The following SPEG variants were observed in gnomAD, a reference collection of about 807,000 sequenced individuals.
SPEG encodes striated muscle enriched protein kinase.
A neutral mutation model predicts 300.4 loss-of-function variants in SPEG; 114 were observed. The observed-to-expected ratio is 0.38, with a 90% CI of 0.33 to 0.44. The LOEUF (loss-of-function observed/expected upper bound fraction) is 0.44, where lower values mean the gene tolerates loss of function less well. Ranked by LOEUF, SPEG falls within the 20% of genes least tolerant of loss-of-function variation. SPEG has a pLI of 1.00. For synonymous variants in SPEG, 1,964 were observed against 2,018.9 expected (o/e 0.97, Z 0.73); for missense variants, 4,201 against 4,586.2 (o/e 0.92, Z 2.43).
Position 219,483,082 on chromosome 2 carries a change from A to G in SPEG, c.5635-16A>G, listed in dbSNP as rs1246567592. On this transcript the variant is annotated splice_polypyrimidine_tract_variant and intron_variant, in intron 29 of 40. Transcript: ENST00000312358. ...CCAGGGGTCCCTCAGGTCTGACTCC[A>G]GTACCCTGTCTCCAGCGCTCCCAGA... 14 of 1,599,964 alleles carry G rather than the reference A, an allele frequency of 8.8e-6. No individual in the cohort carries two copies. Among genetic ancestry groups the G allele is most frequent in the Non-Finnish European group, 1.2e-5 (14 of 1,176,388 alleles).
intron 11 of SPEG, 31 bp downstream of exon 11, chr2:219,468,767 C>A (rs771066289): frequency 3.1e-6 from 5 of 1,610,898 alleles, no homozygotes; most frequent in African/African-American, 2.7e-5. Context: ...GTGTTGAGGG[C>A]CCCCCCAAGG....
In SPEG at chr2:219,472,882, C is replaced by T. The variant is rs996209721; in HGVS notation, c.3941-8C>T. On this transcript the variant is annotated splice_region_variant and splice_polypyrimidine_tract_variant and intron_variant, in intron 15 of 40. Transcript: ENST00000312358. ...AACAGCAGCCTCTAGTAGCTCCTCT[C>T]CCGCCAGACCCGGACTCCCTGACGT... is the stretch of plus-strand genomic sequence containing the variant. The T allele has an allele frequency of 6.4e-7, 1 of 1,568,222 alleles. No individual in the cohort carries two copies. The highest frequency in any genetic ancestry group is 1.4e-5 in the African/African-American group (1 of 73,914).
intron 6 of SPEG, among the ~76,000 whole-genome samples, chr2:219,452,230 C>T (rs755737949): frequency 1.8e-4 from 27 of 152,292 alleles, no homozygotes; most frequent in South Asian, 6.2e-4. Flanking sequence ...AGTCCCCCCT[C>T]CCAGTAAAAA....
At chr2:219,437,150 G>A (rs1954740955) in intron 1 of SPEG, 1 of 152,262 alleles carries the variant, frequency 6.6e-6, no homozygotes, top group East Asian at 1.9e-4. Context: ...TAAGAACCCA[G>A]TCCTCCTGGT....
Position 219,485,075 on chromosome 2 carries a change from G to T in SPEG, c.7609+3G>T. On this transcript the variant is annotated splice_donor_region_variant and intron_variant, in intron 30 of 40. Transcript: ENST00000312358. ...CAGCGCCACGTCGGGCTCCTCAGGT[G>T]AGGAGGGGCAGGGGTAGGGCAGCAG... The T allele has an allele frequency of 6.5e-7, 1 of 1,531,934 alleles. No homozygotes were observed. The highest frequency in any genetic ancestry group is 1.2e-5 in the South Asian group (1 of 83,894). The allele number at this position is 1,531,934 out of a possible 1,614,324, so 94.9% of individuals were successfully genotyped here.
rs758077498 is a variant in SPEG at position 219,464,569 on chromosome 2, T to C, written c.2842T>C (p.Tyr948His). The change falls in exon 9 of 41, where the codon TAT (tyrosine) becomes CAT (histidine). Residue 948 changes from tyrosine (Y) to histidine (H), a missense_variant. By Grantham distance (83) the Tyr-to-His change is moderately conservative. Transcript: ENST00000312358. The surrounding 1 kb of genome is among the most constrained non-coding windows in gnomAD (Gnocchi z 4.5). ...GFYTCKAVNE[Y>H]GARQCEARLE... ...CTACACTTGCAAAGCGGTCAATGAG[T>C]ATGGTGCTCGGCAGTGCGAGGCCCG... The C allele has an allele frequency of 1.2e-6, 2 of 1,614,034 alleles. No homozygotes were observed. The highest frequency in any genetic ancestry group is 2.2e-5 in the East Asian group (1 of 44,900).
At position 219,451,087 on chromosome 2, in the gene SPEG, T is replaced by A. The variant is rs756594717; in HGVS notation, c.2114-49T>A. On this transcript the variant is annotated intron_variant, in intron 4 of 40. Transcript: ENST00000312358. This position sits in a 1 kb window ranked among gnomAD's most constrained non-coding sequence, Gnocchi z 6.4. ...ACCAGGACTCTCTCTCCCGCTGTCA[T>A]CCCTGCAGGGATCATGGCCCCTTAC... The A allele has an allele frequency of 2.6e-6, 4 of 1,541,948 alleles. No individual in the cohort carries two copies. Among genetic ancestry groups the A allele is most frequent in the Non-Finnish European group, 2.6e-6 (3 of 1,147,496 alleles).
Position 219,444,255 on chromosome 2 carries a change from A to G in SPEG, c.389-398A>G, listed in dbSNP as rs1006374433. On this transcript the variant is annotated intron_variant, in intron 1 of 40. Coordinates refer to ENST00000312358, the MANE Select transcript of SPEG (RefSeq NM_005876.5). The surrounding 1 kb of genome is among the most constrained non-coding windows in gnomAD (Gnocchi z 7.8). ...CTCCTCTTTGTTCCTGGGGTACTGG[A>G]ACCCAGACTTTAGAGCCTTGGAACC... 6.6e-6 allele frequency among the ~76,000 whole-genome samples: 1 copy of G among 152,144 alleles called. No individual in the cohort carries two copies. Among genetic ancestry groups the G allele is most frequent in the African/African-American group, 2.4e-5 (1 of 41,432 alleles).
intron 22 of SPEG, among the ~76,000 whole-genome samples, chr2:219,478,618 T>C (rs920691505): frequency 2.6e-5 from 4 of 152,158 alleles, no homozygotes; most frequent in African/African-American, 9.7e-5. Context: ...CAAAGGCACA[T>C]TGAGGTAAGG....
In SPEG at chr2:219,472,981, G is replaced by T; in HGVS notation, c.4032G>T (p.Trp1344Cys). 1 of 1,613,846 alleles carries T rather than the reference G, an allele frequency of 6.2e-7. No homozygotes were observed. ...ALVTGLREPG[W>C]AATGLRKGVQ... ...TCACAGGCCTGCGGGAGCCAGGGTG[G>T]GCAGCCACAGGGCTGCGTAAGGGGG... The change falls in exon 16 of 41, where the codon TGG becomes TGT. Residue 1344 changes from tryptophan (W) to cysteine (C), a missense_variant. By Grantham distance (215) the Trp-to-Cys change is radical (BLOSUM62 -2). Coordinates refer to ENST00000312358, the MANE Select transcript of SPEG (RefSeq NM_005876.5).
chr2:219,446,798 T>A (rs1179044683), intron 3 of SPEG, among the ~76,000 whole-genome samples: 1 of 152,206 alleles, frequency 6.6e-6, no homozygotes, highest in Non-Finnish European at 1.5e-5. Context: ...AGTTTCTTCA[T>A]CTGTAAATGG....
chr2:219,439,185 T>C lies in SPEG; in HGVS notation c.388+3820T>C, dbSNP rs1954793442. ...GGTTAGGACAGAGAAGGGGGAAGGC[T>C]GGATGAGTGGAAGCCGTTGCAGGAA... On this transcript the variant is annotated intron_variant, in intron 1 of 40. Transcript: ENST00000312358. The surrounding 1 kb of genome is among the most constrained non-coding windows in gnomAD (Gnocchi z 4.5). 6.6e-6 allele frequency among the ~76,000 whole-genome samples: 1 copy of C among 152,116 alleles called. No individual in the cohort carries two copies. Among genetic ancestry groups the C allele is most frequent in the Non-Finnish European group, 1.5e-5 (1 of 68,014 alleles).
Position 219,459,344 on chromosome 2 carries a change from G to A in SPEG, c.2441-2538G>A, listed in dbSNP as rs1384882722. On this transcript the variant is annotated intron_variant, in intron 6 of 40. Coordinates refer to ENST00000312358, the MANE Select transcript of SPEG (RefSeq NM_005876.5). The surrounding 1 kb of genome is among the most constrained non-coding windows in gnomAD (Gnocchi z 4.9). ...GATGTCAGGGACTGGTTCCAAAGAT[G>A]GTTTTTGCTATGTGGCCAGGGAAAA... 6.6e-6 allele frequency among the ~76,000 whole-genome samples: 1 copy of A among 152,182 alleles called. No individual in the cohort carries two copies. Among genetic ancestry groups the A allele is most frequent in the Admixed American group, 6.5e-5 (1 of 15,278 alleles).
chr2:219,487,563 A>G (rs1693555726), intron 31 of SPEG, among the ~76,000 whole-genome samples: 1 of 152,196 alleles, frequency 6.6e-6, no homozygotes, highest in African/African-American at 2.4e-5. Flanking sequence ...TTGCCCCTTC[A>G]AAAGCTCTCA....
In SPEG at chr2:219,437,942, C is replaced by T. The variant is rs13418780; in HGVS notation, c.388+2577C>T. On this transcript the variant is annotated intron_variant, in intron 1 of 40. Coordinates refer to ENST00000312358, the MANE Select transcript of SPEG (RefSeq NM_005876.5). ...AGCCAAGCAAGGACCTGGCTGCAGA[C>T]GGAAGGACATGCTTTCCTGGCTGGG... Among the ~76,000 whole-genome samples the T allele has an allele frequency of 2.8e-3, 423 of 152,290 alleles. 4 individuals carry two copies. The highest frequency in any genetic ancestry group is 9.8e-3 in the African/African-American group (408 of 41,564).
At chr2:219,456,631 C>T (rs1004441619) in intron 6 of SPEG, among the ~76,000 whole-genome samples, 17 of 152,124 alleles carry the variant, frequency 1.1e-4, no homozygotes, top group Non-Finnish European at 1.9e-4. Context: ...TCATCATGAC[C>T]GGGTGCGGTG....
chr2:219,484,352 G>T lies in SPEG; in HGVS notation c.6889G>T (p.Ala2297Ser). The T allele has an allele frequency of 6.2e-7, 1 of 1,605,678 alleles. No homozygotes were observed. Residue 2297 changes from alanine to serine, a missense_variant, in exon 30 of 41, where the codon GCC becomes TCC. Coordinates refer to ENST00000312358, the MANE Select transcript of SPEG (RefSeq NM_005876.5). ...AGCCCCCGAGAAGCGCGTGCCCTCA[G>T]CCGGGGGTCCCCCGGTGCTAGCCGA... Reference protein sequence around the residue: ...PGAPEKRVPSAGGPPVLAEKA... With the variant: ...PGAPEKRVPSSGGPPVLAEKA...
At chr2:219,488,044 C>T (rs765757749) in intron 31 of SPEG, 150 bp from the exon 32 acceptor site, 3 of 633,920 alleles carry the variant, frequency 4.7e-6, no homozygotes, top group Non-Finnish European at 5.6e-6. Flanking sequence ...GAAGGCATGG[C>T]GTGGGGTTCC....
chr2:219,487,797 G>C (rs1236740162), intron 31 of SPEG, among the ~76,000 whole-genome samples: 1 of 152,170 alleles, frequency 6.6e-6, no homozygotes, highest in African/African-American at 2.4e-5. Flanking sequence ...TTGCCCTGTG[G>C]TGCCCCAGAG....
Sources: gnomAD v4.1 joint callset for allele counts (sites outside exome capture counted in the v4.1 genomes callset) on GRCh38, gnomAD v4.1.1 for gene constraint, Gnocchi (gnomAD v3.1) non-coding constraint, MANE v1.5 for transcripts, NCBI Gene and HGNC (gene_info 2026-07-23, HGNC 2026-07-21) for gene names.